The following CFAP126 variants were observed in gnomAD, a reference collection of about 807,000 sequenced individuals.
The protein encoded by CFAP126 is protein Flattop.
A neutral mutation model predicts 17.1 loss-of-function variants in CFAP126; 21 were observed. That is an observed-to-expected ratio of 1.23 (90% CI 0.87 to 1.77). CFAP126 has a LOEUF of 1.77. Ranked by LOEUF, CFAP126 falls within the 40% of genes most tolerant of loss-of-function variation. The pLI is 0.00. For synonymous variants in CFAP126, 65 were observed against 73.5 expected (o/e 0.88, Z 0.59); for missense variants, 174 against 215.4 (o/e 0.81, Z 1.20).
intron 3 of CFAP126, 182 bp downstream of exon 3, chr1:161,366,016 G>GGGT (rs1672717466): frequency 1.6e-6 from 1 of 633,576 alleles, no homozygotes; most frequent in Admixed American, 2.8e-5. Context: ...AACTTCTGAA[G>GGGT]GGTGCTAAAC....
At chr1:161,367,511 A>G (rs1672774628) in intron 1 of CFAP126, 1 of 272,424 alleles carries the variant, frequency 3.7e-6, no homozygotes, top group African/African-American at 2.2e-5. Flanking sequence ...GAATTTGTCA[A>G]AAATGTTATG....
At chr1:161,367,529 GTTTTTC>G in intron 1 of CFAP126, 1 of 319,822 alleles carries the variant, frequency 3.1e-6, no homozygotes. Flanking sequence ...ATGGAAAAAT[GTTTTTC>G]TTTAATTATG....
chr1:161,366,461 G>A lies in CFAP126; in HGVS notation c.68C>T (p.Ser23Phe). 6.2e-7 allele frequency: 1 copy of A among 1,613,952 alleles called. No homozygotes were observed. Among genetic ancestry groups the A allele is most frequent in the Non-Finnish European group, 8.5e-7 (1 of 1,179,932 alleles). The change falls in exon 2 of 5, where the codon TCT (serine) becomes TTT (phenylalanine). Residue 23 changes from serine to phenylalanine, a missense_variant. Ser to Phe is a radical substitution (Grantham distance 155). Coordinates refer to ENST00000367974, the MANE Select transcript of CFAP126 (RefSeq NM_001013625.4). ...AFSSKYLQNWSPTKPTKESIS... is the reference protein window; with the variant it reads ...AFSSKYLQNWFPTKPTKESIS... Reference sequence around the variant, plus strand: ...TACCTCTTTTGTTGGCTTAGTGGGAGACCAGTTCTGCAGATACTTGGATGA... The same window carrying A: ...TACCTCTTTTGTTGGCTTAGTGGGAAACCAGTTCTGCAGATACTTGGATGA...
At chr1:161,366,698 G>C in intron 1 of CFAP126, 197 bp from the exon 2 acceptor site, 1 of 594,068 alleles carries the variant, frequency 1.7e-6, no homozygotes, top group South Asian at 2.1e-5. Context: ...ACATGGAGCT[G>C]TTGAGCACCT....
chr1:161,366,746 A>G (rs1672743489), intron 1 of CFAP126: 2 of 522,434 alleles, frequency 3.8e-6, no homozygotes, highest in South Asian at 5.7e-5. Context: ...CTTTGTAAAT[A>G]TGAAATATGC....
Position 161,364,907 on chromosome 1 carries a change from C to T in CFAP126, c.*58G>A. ...AAGTTCCAGGTTTGTATTTCTGGAC[C>T]TCAGCTAGATTAGGCCCTGCCCAGA... is the stretch of plus-strand genomic sequence containing the variant. On this transcript the variant is annotated 3_prime_UTR_variant, in exon 5 of 5. Transcript: ENST00000367974. The T allele has an allele frequency of 3.9e-6, 6 of 1,521,782 alleles. No individual in the cohort carries two copies. The highest frequency in any genetic ancestry group is 5.4e-6 in the Non-Finnish European group (6 of 1,105,926). 94.3% of individuals were successfully genotyped at this position (1,521,782 alleles called of 1,614,324 possible).
intron 4 of CFAP126, 66 bp from the exon 5 acceptor site, chr1:161,365,216 C>A: frequency 6.8e-7 from 1 of 1,471,734 alleles, no homozygotes; most frequent in Non-Finnish European, 9.4e-7. Flanking sequence ...TCCTAATGCA[C>A]CTCAGGATTC....
rs1436391792 is a variant in CFAP126 at position 161,364,777 on chromosome 1, T to C, written c.*188A>G. 3 of 555,046 alleles carry C rather than the reference T, an allele frequency of 5.4e-6. No homozygotes were observed. Among genetic ancestry groups the C allele is most frequent in the Non-Finnish European group, 9.1e-6 (3 of 328,878 alleles). The allele number at this position is 555,046 out of a possible 1,614,324, so 34.4% of individuals were successfully genotyped here. A position where few individuals can be genotyped will look rare whatever the true frequency, so the allele number is the denominator to read the frequency against. On this transcript the variant is annotated 3_prime_UTR_variant, in exon 5 of 5. Transcript: ENST00000367974. ...GTTTATTTTCCAAATTTGCTTTTAC[T>C]CCCACCCCAAAATTTCCCTGTTTCA...
Position 161,366,265 on chromosome 1 carries a change from T to G in CFAP126, c.104A>C (p.His35Pro). 1 of 1,613,592 alleles carries G rather than the reference T, an allele frequency of 6.2e-7. No individual in the cohort carries two copies. Among genetic ancestry groups the G allele is most frequent in the Non-Finnish European group, 8.5e-7 (1 of 1,179,622 alleles). Residue 35 changes from histidine (H) to proline (P), a missense_variant, in exon 3 of 5, where the codon CAT becomes CCT. Physicochemically the swap from His to Pro is moderately conservative, Grantham distance 77. Transcript: ENST00000367974. The stretch of plus-strand genomic sequence containing the variant: ...GGCAATAATTTGAGTGTAGCCTTCA[T>G]GAGAAGAGATGCTCTGGGGTACAAG... Reference protein sequence around the residue: ...TKPTKESISSHEGYTQIIAND... With the variant: ...TKPTKESISSPEGYTQIIAND...
At chr1:161,366,611 G>T (rs1571904475) in intron 1 of CFAP126, 110 bp from the exon 2 acceptor site, 2 of 969,676 alleles carry the variant, frequency 2.1e-6, no homozygotes, top group Non-Finnish European at 3.3e-6. Context: ...GACCAACCAT[G>T]TAGGCTTTAA....
At chr1:161,366,693 G>T (rs1201958540) in intron 1 of CFAP126, 192 bp from the exon 2 acceptor site, 3 of 600,212 alleles carry the variant, frequency 5.0e-6, no homozygotes, top group Non-Finnish European at 8.9e-6. Flanking sequence ...GAGCCACATG[G>T]AGCTGTTGAG....
intron 4 of CFAP126, 71 bp downstream of exon 4, chr1:161,365,449 CATAACA>C (rs1259036527): frequency 9.8e-6 from 15 of 1,524,552 alleles, no homozygotes; most frequent in Non-Finnish European, 1.4e-5. Flanking sequence ...ATAGTGGTGG[CATAACA>C]ATAGACATTT....
intron 1 of CFAP126, chr1:161,366,724 C>T: frequency 1.8e-6 from 1 of 545,910 alleles, no homozygotes; most frequent in Non-Finnish European, 3.2e-6. Context: ...ATGACTAGTT[C>T]AAATTGAGGT....
chr1:161,367,000 C>CCTGG (rs1672750783), intron 1 of CFAP126: 1 of 156,826 alleles, frequency 6.4e-6, no homozygotes, highest in African/African-American at 2.4e-5. Flanking sequence ...GTCTCAAACC[C>CCTGG]CTGGCCTCAA....
At chr1:161,365,766 T>C in intron 3 of CFAP126, 64 bp from the exon 4 acceptor site, 1 of 1,371,284 alleles carries the variant, frequency 7.3e-7, no homozygotes, top group South Asian at 1.4e-5. Context: ...TAGACCTCTG[T>C]ATTATTTCCT....
Position 161,366,670 on chromosome 1 carries a change from A to G in CFAP126, c.28-169T>C, listed in dbSNP as rs115588411. The G allele has an allele frequency of 4.4e-3, 2,810 of 642,138 alleles. 55 individuals carry two copies. The African/African-American group carries it at 0.046, about 10-fold the overall frequency. The allele number at this position is 642,138 out of a possible 1,614,324, so 39.8% of individuals were successfully genotyped here. ...TGTTTGGTCTAGATGTGTGCTGTCC[A>G]GCATGGAGCCGGGAGCCACATGGAG... On this transcript the variant is annotated intron_variant, in intron 1 of 4. Coordinates refer to ENST00000367974, the MANE Select transcript of CFAP126 (RefSeq NM_001013625.4).
chr1:161,366,601 G>T, intron 1 of CFAP126, 100 bp from the exon 2 acceptor site: 2 of 1,050,366 alleles, frequency 1.9e-6, no homozygotes, highest in South Asian at 1.3e-5. Context: ...CCAAAGGCCT[G>T]ACCAACCATG....
At chr1:161,366,114 T>A in intron 3 of CFAP126, 84 bp downstream of exon 3, 1 of 1,153,084 alleles carries the variant, frequency 8.7e-7, no homozygotes. Flanking sequence ...ATTTTCCCGA[T>A]AATGGCTGTG....
At chr1:161,367,204 A>T (rs990836883) in intron 1 of CFAP126, 1 of 152,300 alleles carries the variant, frequency 6.6e-6, no homozygotes. Context: ...TTATGTTTTA[A>T]TTTTTTCATG....
Sources: allele counts gnomAD v4.1 joint callset, GRCh38; gene constraint gnomAD v4.1.1; transcripts MANE v1.5; gene names NCBI Gene and HGNC (gene_info 2026-07-23, HGNC 2026-07-21).